CEP85: variants seen among roughly 807,000 people sequenced by gnomAD.
CEP85 encodes the protein centrosomal protein of 85 kDa.
CEP85 carries 58 observed loss-of-function variants against 93.7 expected under a neutral mutation model. The observed-to-expected ratio is 0.62, with a 90% CI of 0.50 to 0.77. The LOEUF (loss-of-function observed/expected upper bound fraction) is 0.77. Among genes scored for constraint, CEP85 ranks in the 30% least tolerant of loss-of-function variants. CEP85 has a pLI of 0.00. For synonymous variants in CEP85, 314 were observed against 338.6 expected, an observed-to-expected ratio of 0.93 and a Z score of 0.80; for missense variants, 868 against 922.0, an observed-to-expected ratio of 0.94 and a Z score of 0.76.
chr1:26,260,434 T>G (rs2089788391), intron 7 of CEP85, among the ~76,000 whole-genome samples: 1 of 151,054 alleles, frequency 6.6e-6, no homozygotes, highest in South Asian at 2.1e-4. Flanking sequence ...GAGGTTGCAG[T>G]GAACCAGGAT....
chr1:26,266,518 C>G (rs1323964122), intron 7 of CEP85, among the ~76,000 whole-genome samples: 1 of 152,172 alleles, frequency 6.6e-6, no homozygotes, highest in Non-Finnish European at 1.5e-5. Context: ...GGTCAGTTTA[C>G]CATTTTCAGT....
At chr1:26,251,788 G>T (rs1182005347) in intron 3 of CEP85, among the ~76,000 whole-genome samples, 4 of 152,146 alleles carry the variant, frequency 2.6e-5, no homozygotes, top group Non-Finnish European at 4.4e-5. Flanking sequence ...GTGGTGCTAT[G>T]GATGGAGACT....
At position 26,268,560 on chromosome 1, in the gene CEP85, G is replaced by A; in HGVS notation, c.1419G>A (p.Gln473=). ...AATCAGAGCAGAACCGGGAGAAGCA[G>A]CAGCGTATTGAGACCTTGGAGCGCT... ...QKESEQNREK[Q]QRIETLERYL... Residue 473 remains glutamine, a synonymous_variant, in exon 8 of 14, where the codon CAG becomes CAA. Coordinates refer to ENST00000451429, the MANE Select transcript of CEP85 (RefSeq NM_001319944.2). 1 of 1,614,132 alleles carries A rather than the reference G, an allele frequency of 6.2e-7. No homozygotes were observed. The highest frequency in any genetic ancestry group is 1.3e-5 in the African/African-American group (1 of 75,050).
chr1:26,249,010 G>A (rs960096310), intron 3 of CEP85, among the ~76,000 whole-genome samples: 14 of 152,268 alleles, frequency 9.2e-5, no homozygotes, highest in Non-Finnish European at 1.8e-4. Flanking sequence ...ACAGGCGTGA[G>A]CCACCACGCC....
In CEP85 at chr1:26,241,243, A is replaced by ATTTTTTTTTTTTTT. The variant is rs1433524136; in HGVS notation, c.55+1405_55+1406insTTTTTTTTTTTTTT. On this transcript the variant is annotated intron_variant, in intron 2 of 13. Transcript: ENST00000451429. Reference sequence around the variant, plus strand: ...AATCAATTCAAGATTCATTCAGCAGAATTTTTTTTTTTTTTTTGAAATGGA... The same window carrying ATTTTTTTTTTTTTT: ...AATCAATTCAAGATTCATTCAGCAGATTTTTTTTTTTTTTATTTTTTTTTTTTTTTTGAAATGGA... 2.4e-3 allele frequency among the ~76,000 whole-genome samples: 149 copies of ATTTTTTTTTTTTTT among 61,780 alleles called. 14 individuals carry two copies. The highest frequency in any genetic ancestry group is 4.1e-3 in the African/African-American group (67 of 16,416). 40.5% of individuals were successfully genotyped at this position (61,780 alleles called of 152,430 possible).
At chr1:26,264,980 CTTTTTTTTT>C (rs766050519) in intron 7 of CEP85, among the ~76,000 whole-genome samples, 1 of 92,902 alleles carries the variant, frequency 1.1e-5, no homozygotes, top group Non-Finnish European at 2.0e-5. Context: ...CCACACCCGG[CTTTTTTTTT>C]TTTTTTTTTT....
At chr1:26,249,891 G>T (rs1452983114) in intron 3 of CEP85, among the ~76,000 whole-genome samples, 2 of 152,000 alleles carry the variant, frequency 1.3e-5, no homozygotes, top group South Asian at 2.1e-4. Context: ...TAAAGAGATG[G>T]ATCTCACTGT....
chr1:26,240,566 TA>T lies in CEP85; in HGVS notation c.55+739del, dbSNP rs59642868. ...TTATGCACATTCAGTAAGATACCAT[TA>T]AAAAAAAAAATTGGTTGAATTCACA... On this transcript the variant is annotated intron_variant, in intron 2 of 13. Transcript: ENST00000451429. 1.4e-3 allele frequency among the ~76,000 whole-genome samples: 200 copies of T among 148,104 alleles called. 3 individuals carry two copies. Among genetic ancestry groups the T allele is most frequent in the Admixed American group, 9.5e-3 (140 of 14,788 alleles).
intron 7 of CEP85, among the ~76,000 whole-genome samples, chr1:26,264,704 C>T (rs1036955574): frequency 2.0e-5 from 3 of 152,158 alleles, no homozygotes; most frequent in Non-Finnish European, 2.9e-5. Context: ...GAAGAATCTT[C>T]AACCTGCTGC....
At chr1:26,251,455 T>C (rs1363258899) in intron 3 of CEP85, among the ~76,000 whole-genome samples, 1 of 151,996 alleles carries the variant, frequency 6.6e-6, no homozygotes, top group African/African-American at 2.4e-5. Context: ...TTCTCCACGT[T>C]GATCAGGCTG....
intron 5 of CEP85, 151 bp downstream of exon 5, chr1:26,257,881 C>T (rs1024689322): frequency 1.3e-5 from 11 of 868,132 alleles, no homozygotes; most frequent in Middle Eastern, 6.3e-4. Flanking sequence ...GCAGCCTAGT[C>T]GTGTATATAT....
chr1:26,236,626 T>C (rs2089330917), intron 1 of CEP85, among the ~76,000 whole-genome samples: 1 of 152,216 alleles, frequency 6.6e-6, no homozygotes, highest in African/African-American at 2.4e-5. Context: ...TTTTCTTTTT[T>C]GAGATATTTG....
At chr1:26,266,788 G>T (rs2089900680) in intron 7 of CEP85, among the ~76,000 whole-genome samples, 1 of 152,230 alleles carries the variant, frequency 6.6e-6, no homozygotes, top group Admixed American at 6.5e-5. Flanking sequence ...CCATAATGGT[G>T]AAGAAAAAGC....
At chr1:26,249,227 G>A (rs769173059) in intron 3 of CEP85, among the ~76,000 whole-genome samples, 2 of 152,212 alleles carry the variant, frequency 1.3e-5, no homozygotes, top group Admixed American at 6.5e-5. Flanking sequence ...GATTACAGGC[G>A]TGTGCCACCA....
chr1:26,240,560 T>C (rs2124557795), intron 2 of CEP85, among the ~76,000 whole-genome samples: 1 of 152,050 alleles, frequency 6.6e-6, no homozygotes, highest in Non-Finnish European at 1.5e-5. Context: ...TTCAGTAAGA[T>C]ACCATTAAAA....
rs995295005 is a variant in CEP85, at chr1:26,246,544, G to A, written c.208+2226G>A. 7.9e-5 allele frequency among the ~76,000 whole-genome samples: 12 copies of A among 152,120 alleles called. No individual in the cohort carries two copies. The South Asian group carries it at 1.7e-3, about 21-fold the overall frequency. ...AGCTCAGGAGTTCGAGACCAGCCTGGGCAACACGGTGAAAGCCCATCTTTA... is the reference window on the plus strand; with the variant it reads ...AGCTCAGGAGTTCGAGACCAGCCTGAGCAACACGGTGAAAGCCCATCTTTA... On this transcript the variant is annotated intron_variant, in intron 3 of 13. Transcript: ENST00000451429.
chr1:26,270,990 C>T (rs2089965426), intron 9 of CEP85, 24 bp from the exon 10 acceptor site: 1 of 1,481,502 alleles, frequency 6.7e-7, no homozygotes, highest in Non-Finnish European at 9.4e-7. Context: ...CTTCAGAGTT[C>T]TTGAAGAGGC....
rs1048287557 is a variant in CEP85 at position 26,272,133 on chromosome 1, C to G, written c.1794+62C>G. On this transcript the variant is annotated intron_variant, in intron 11 of 13. Transcript: ENST00000451429. ...TAATGATGGAATCTCTAGAATTTAG[C>G]CAATATTTATTTTGTTCTCTGCCAT... is the stretch of plus-strand genomic sequence containing the variant. 2.0e-6 allele frequency: 3 copies of G among 1,524,342 alleles called. No homozygotes were observed. In the African/African-American group the frequency reaches 4.1e-5, roughly 21 times the overall value. The allele number at this position is 1,524,342 out of a possible 1,614,324, so 94.4% of individuals were successfully genotyped here. A position where few individuals can be genotyped will look rare whatever the true frequency, so the allele number is the denominator to read the frequency against.
At chr1:26,251,787 T>C (rs966746522) in intron 3 of CEP85, among the ~76,000 whole-genome samples, 5 of 152,124 alleles carry the variant, frequency 3.3e-5, no homozygotes, top group Non-Finnish European at 5.9e-5. Flanking sequence ...AGTGGTGCTA[T>C]GGATGGAGAC....
Sources: gnomAD v4.1 joint callset for allele counts (sites outside exome capture counted in the v4.1 genomes callset) on GRCh38, gnomAD v4.1.1 for gene constraint, MANE v1.5 for transcripts, NCBI Gene and HGNC (gene_info 2026-07-23, HGNC 2026-07-21) for gene names.